The following COLGALT2 variants were observed in gnomAD, a reference collection of about 807,000 sequenced individuals.
The protein encoded by COLGALT2 is collagen beta(1-O)galactosyltransferase 2, also known as procollagen galactosyltransferase 2.
COLGALT2 carries 49 observed loss-of-function variants against 73.4 expected under a neutral mutation model. The observed-to-expected ratio is 0.67, with a 90% confidence interval of 0.53 to 0.85. The LOEUF (loss-of-function observed/expected upper bound fraction) is 0.85, where lower values mean the gene tolerates loss of function less well. COLGALT2 is among the 40% of genes least tolerant of loss of function. The pLI, the probability that COLGALT2 is intolerant of heterozygous loss-of-function variation, is 0.00. For synonymous variants in COLGALT2, 295 were observed against 307.6 expected (o/e 0.96, Z 0.43); for missense variants, 722 against 790.2 (o/e 0.91, Z 1.03).
At chr1:183,951,347 G>A (rs1310723654) in intron 7 of COLGALT2, among the ~76,000 whole-genome samples, 2 of 152,064 alleles carry the variant, frequency 1.3e-5, no homozygotes, top group African/African-American at 4.8e-5. Context: ...TTGTTTTTCT[G>A]ATGTTCATTG....
intron 1 of COLGALT2, among the ~76,000 whole-genome samples, chr1:184,017,050 A>C (rs1288253792): frequency 6.6e-6 from 1 of 152,216 alleles, no homozygotes; most frequent in Admixed American, 6.5e-5. Flanking sequence ...TGGAACCGCC[A>C]AACTTTGTCA....
chr1:183,951,077 G>T lies in COLGALT2; in HGVS notation c.1066C>A (p.Arg356=). Reference sequence around the variant, plus strand: ...TACAGTGTGCGCAGCATCCGGTCCCGCCTGTCCTTTCTGCGTTTGAGGTTT... The same window carrying T: ...TACAGTGTGCGCAGCATCCGGTCCCTCCTGTCCTTTCTGCGTTTGAGGTTT... ...MINLKRRKDR[R]DRMLRTLYEQ... Residue 356 remains arginine, a synonymous_variant, in exon 8 of 12, where the codon CGG becomes AGG. Coordinates refer to ENST00000361927, the MANE Select transcript of COLGALT2 (RefSeq NM_015101.4). The T allele has an allele frequency of 6.2e-7, 1 of 1,613,738 alleles. No homozygotes were observed.
At chr1:183,941,195 C>G (rs958068197) in intron 10 of COLGALT2, among the ~76,000 whole-genome samples, 3 of 152,214 alleles carry the variant, frequency 2.0e-5, no homozygotes, top group Non-Finnish European at 4.4e-5. Flanking sequence ...GAGTGTCAGC[C>G]TTGGATGCCT....
intron 1 of COLGALT2, among the ~76,000 whole-genome samples, chr1:184,012,122 T>A (rs534140734): frequency 3.9e-5 from 6 of 152,338 alleles, no homozygotes; most frequent in Non-Finnish European, 5.9e-5. Context: ...CAATCTCTCA[T>A]GCATCTAGAC....
At chr1:183,968,584 T>G (rs934041878) in intron 5 of COLGALT2, among the ~76,000 whole-genome samples, 1 of 152,214 alleles carries the variant, frequency 6.6e-6, no homozygotes, top group African/African-American at 2.4e-5. Flanking sequence ...GACGACATTC[T>G]GAGCCTCCCT....
intron 6 of COLGALT2, 116 bp from the exon 7 acceptor site, chr1:183,954,954 G>C (rs1274895096): frequency 2.6e-6 from 2 of 765,690 alleles, no homozygotes; most frequent in East Asian, 2.7e-5. Context: ...ACAGGGCAGG[G>C]GACAATGGCA....
At chr1:183,935,046 C>T (rs936763692), downstream of COLGALT2, among the ~76,000 whole-genome samples, 1 of 152,220 alleles carries the variant, frequency 6.6e-6, no homozygotes, top group African/African-American at 2.4e-5. Flanking sequence ...CTACTGAGTT[C>T]CCATGAATCC....
intron 9 of COLGALT2, among the ~76,000 whole-genome samples, chr1:183,944,810 CT>C (rs1186997140): frequency 6.6e-6 from 1 of 152,090 alleles, no homozygotes. Context: ...CTTTTTATAC[CT>C]ATTTATCACA....
intron 1 of COLGALT2, among the ~76,000 whole-genome samples, chr1:183,996,963 AG>A (rs1233514164): frequency 1.2e-4 from 19 of 152,318 alleles, no homozygotes; most frequent in African/African-American, 4.3e-4. Flanking sequence ...TGAGTCAGGA[AG>A]GGGGTCAATA....
intron 1 of COLGALT2, among the ~76,000 whole-genome samples, chr1:184,036,335 G>A: frequency 6.6e-6 from 1 of 152,176 alleles, no homozygotes; most frequent in East Asian, 1.9e-4. Flanking sequence ...CAGACACAGG[G>A]ACCAGGTCCA....
intron 1 of COLGALT2, among the ~76,000 whole-genome samples, chr1:183,984,695 G>T (rs1288685590): frequency 1.3e-5 from 2 of 152,120 alleles, no homozygotes; most frequent in Non-Finnish European, 2.9e-5. Context: ...CATCCACACT[G>T]GCCACCTCTT....
At chr1:183,945,847 T>C (rs1670235172) in intron 8 of COLGALT2, 3 of 398,828 alleles carry the variant, frequency 7.5e-6, no homozygotes, top group Non-Finnish European at 1.3e-5. Flanking sequence ...TACACTCCTA[T>C]GGAAATTAGT....
chr1:183,952,271 A>T (rs142435341), intron 7 of COLGALT2, among the ~76,000 whole-genome samples: 5 of 152,342 alleles, frequency 3.3e-5, no homozygotes, highest in Non-Finnish European at 5.9e-5. Flanking sequence ...GATGACACAT[A>T]GCATGGTAAA....
At chr1:183,987,409 A>T (rs1671518147) in intron 1 of COLGALT2, among the ~76,000 whole-genome samples, 1 of 152,350 alleles carries the variant, frequency 6.6e-6, no homozygotes, top group South Asian at 2.1e-4. Context: ...ACACAGCAGG[A>T]TCCAAAAACA....
At chr1:183,982,383 A>G (rs983288291) in intron 1 of COLGALT2, among the ~76,000 whole-genome samples, 1 of 152,124 alleles carries the variant, frequency 6.6e-6, no homozygotes, top group Non-Finnish European at 1.5e-5. Flanking sequence ...TTTGTGACTC[A>G]TGGCCACAAG....
rs1333290337 is a variant in COLGALT2, at chr1:184,037,330, C to G, written c.28G>C (p.Ala10Pro). 8 of 1,495,696 alleles carry G rather than the reference C, an allele frequency of 5.3e-6. No individual in the cohort carries two copies. The highest frequency in any genetic ancestry group is 7.1e-6 in the Non-Finnish European group (8 of 1,122,324). The allele number at this position is 1,495,696 out of a possible 1,614,324, so 92.7% of individuals were successfully genotyped here. A position where few individuals can be genotyped will look rare whatever the true frequency, so the allele number is the denominator to read the frequency against. ...GAGGAGAGGAGCAGTAGCGACCAGGCGAGGGTGGCAGCAGGGCGCGCAGCC... is the reference window on the plus strand; with the variant it reads ...GAGGAGAGGAGCAGTAGCGACCAGGGGAGGGTGGCAGCAGGGCGCGCAGCC... MAARPAATL[A>P]WSLLLLSSAL... Residue 10 changes from alanine to proline, a missense_variant, in exon 1 of 12, where the codon GCC (alanine) becomes CCC (proline). Ala to Pro is a conservative substitution (Grantham distance 27). Coordinates refer to ENST00000361927, the MANE Select transcript of COLGALT2 (RefSeq NM_015101.4).
At position 183,938,023 on chromosome 1, in the gene COLGALT2, C is replaced by G. The variant is rs1253437993; in HGVS notation, c.*738G>C. The stretch of plus-strand genomic sequence containing the variant: ...GACTCGAGTGGCCATAATAAAAAAG[C>G]CAAACATTGAGTTTTTTCCCTCAAA... On this transcript the variant is annotated 3_prime_UTR_variant, in exon 12 of 12. Transcript: ENST00000361927. 3 of 985,274 alleles carry G rather than the reference C, an allele frequency of 3.0e-6. No homozygotes were observed. Among genetic ancestry groups the G allele is most frequent in the Non-Finnish European group, 3.6e-6 (3 of 829,962 alleles). The allele number at this position is 985,274 out of a possible 1,614,324, so 61.0% of individuals were successfully genotyped here.
intron 10 of COLGALT2, among the ~76,000 whole-genome samples, chr1:183,941,925 G>A (rs1206958693): frequency 2.7e-5 from 4 of 150,810 alleles, no homozygotes; most frequent in Non-Finnish European, 3.0e-5. Flanking sequence ...CATGAAACAA[G>A]TTCATTGTTT....
At chr1:184,033,404 C>T (rs1649575368) in intron 1 of COLGALT2, among the ~76,000 whole-genome samples, 1 of 152,208 alleles carries the variant, frequency 6.6e-6, no homozygotes, top group Non-Finnish European at 1.5e-5. Flanking sequence ...TTCCCTAAAA[C>T]TTAGTGCAGG....
Sources: gnomAD v4.1 joint callset for allele counts (sites outside exome capture counted in the v4.1 genomes callset) on GRCh38, gnomAD v4.1.1 for gene constraint, MANE v1.5 for transcripts, NCBI Gene and HGNC (gene_info 2026-07-23, HGNC 2026-07-21) for gene names.